FILIP1L: variants seen among roughly 807,000 people sequenced by gnomAD.
FILIP1L encodes the protein filamin A-interacting protein 1-like.
A neutral mutation model predicts 96.6 loss-of-function variants in FILIP1L; 55 were observed. The ratio of observed to expected loss-of-function variants is 0.57; its 90% CI spans 0.46 to 0.71. The LOEUF (loss-of-function observed/expected upper bound fraction) is 0.71. Among genes scored for constraint, FILIP1L ranks in the 30% least tolerant of loss-of-function variants. The pLI is 0.00. For missense variants in FILIP1L, 1,304 were observed against 1,321.2 expected (o/e 0.99, Z 0.20); for synonymous variants, 467 against 473.9 (o/e 0.99, Z 0.19).
At chr3:99,892,212 A>G (rs1447982576) in intron 4 of FILIP1L, among the ~76,000 whole-genome samples, 2 of 152,194 alleles carry the variant, frequency 1.3e-5, no homozygotes, top group African/African-American at 4.8e-5. Flanking sequence ...GAAGTTTTTC[A>G]TAGTGCACTA....
chr3:99,847,277 T>C (rs1943407004), intron 5 of FILIP1L, among the ~76,000 whole-genome samples: 1 of 150,318 alleles, frequency 6.7e-6, no homozygotes, highest in Admixed American at 6.6e-5. Flanking sequence ...ACAGGGTAGG[T>C]AGCACCTACA....
intron 1 of FILIP1L, among the ~76,000 whole-genome samples, chr3:99,990,254 C>G (rs943564351): frequency 1.3e-5 from 2 of 152,136 alleles, no homozygotes; most frequent in South Asian, 4.1e-4. Context: ...CAAAGATAGA[C>G]AGAAAGAGAT....
intron 1 of FILIP1L, among the ~76,000 whole-genome samples, chr3:99,956,966 C>T (rs1186733553): frequency 1.3e-5 from 2 of 152,174 alleles, no homozygotes; most frequent in Non-Finnish European, 2.9e-5. Flanking sequence ...AAGAGGTCTT[C>T]CTACCTATTT....
chr3:99,857,438 C>A (rs972280927), intron 4 of FILIP1L, among the ~76,000 whole-genome samples: 6 of 152,212 alleles, frequency 3.9e-5, no homozygotes, highest in African/African-American at 1.4e-4. Context: ...GCCCATCAGT[C>A]TCCTTTGGCT....
At chr3:100,076,403 C>T (rs948270194) in intron 1 of FILIP1L, among the ~76,000 whole-genome samples, 3 of 152,368 alleles carry the variant, frequency 2.0e-5, no homozygotes, top group African/African-American at 7.2e-5. Flanking sequence ...ACCCGCCCAA[C>T]ACCCTTCTTT....
rs528050389 is a variant in FILIP1L at position 99,925,022 on chromosome 3, A to G, written c.427-614T>C. 6.6e-4 allele frequency among the ~76,000 whole-genome samples: 100 copies of G among 152,282 alleles called. 1 individual carries two copies. Among genetic ancestry groups the G allele is most frequent in the Admixed American group, 2.6e-3 (40 of 15,292 alleles). On this transcript the variant is annotated intron_variant, in intron 3 of 5. Coordinates refer to ENST00000477258, the MANE Select transcript of FILIP1L (RefSeq NM_001387850.1). ...GTCTCTCTCCTGAGAAGCTACATTAAAGAAATGACAGGAAGTAAGAGAATC... is the reference window on the plus strand; with the variant it reads ...GTCTCTCTCCTGAGAAGCTACATTAGAGAAATGACAGGAAGTAAGAGAATC...
intron 4 of FILIP1L, among the ~76,000 whole-genome samples, chr3:99,860,414 G>A (rs1422802578): frequency 1.3e-5 from 2 of 152,140 alleles, no homozygotes; most frequent in African/African-American, 4.8e-5. Flanking sequence ...CTAAAAAGCG[G>A]TACTGAAATC....
chr3:99,905,331 A>AATC (rs1210933101), intron 4 of FILIP1L, among the ~76,000 whole-genome samples: 1 of 152,120 alleles, frequency 6.6e-6, no homozygotes, highest in Non-Finnish European at 1.5e-5. Context: ...ACTCCTAGAT[A>AATC]TCTCACCAGT....
intron 1 of FILIP1L, among the ~76,000 whole-genome samples, chr3:99,965,868 C>T (rs779371676): frequency 5.3e-5 from 8 of 152,138 alleles, no homozygotes; most frequent in Non-Finnish European, 1.0e-4. Context: ...ACTGGCCATG[C>T]AGTCATGTTG....
chr3:100,041,905 G>A (rs2065211338), intron 1 of FILIP1L, among the ~76,000 whole-genome samples: 1 of 152,098 alleles, frequency 6.6e-6, no homozygotes, highest in African/African-American at 2.4e-5. Flanking sequence ...AATAATGACA[G>A]CTGAAAACTA....
chr3:100,099,893 G>A (rs1049432730), intron 1 of FILIP1L, among the ~76,000 whole-genome samples: 5 of 152,230 alleles, frequency 3.3e-5, no homozygotes, highest in African/African-American at 1.2e-4. Context: ...GCTGAGAGTG[G>A]GCAGAGGGTT....
chr3:99,998,003 A>T (rs751742067), intron 1 of FILIP1L, among the ~76,000 whole-genome samples: 4 of 152,252 alleles, frequency 2.6e-5, no homozygotes, highest in Admixed American at 1.3e-4. Context: ...CTGCTAGAGC[A>T]TAGAGCTAAA....
In FILIP1L at chr3:99,849,991, T is replaced by A; in HGVS notation, c.1685A>T (p.Lys562Met). The stretch of plus-strand genomic sequence containing the variant: ...TTTGTTTTTTAAATCATCTCTCTCC[T>A]TGGTTACGCTGTACATCTTTTCTTC... Reference protein sequence around the residue: ...DVEEKMYSVTKERDDLKNKLK... With the variant: ...DVEEKMYSVTMERDDLKNKLK... Residue 562 changes from lysine (K) to methionine (M), a missense_variant, in exon 5 of 6, where the codon AAG becomes ATG. Lys to Met is a moderately conservative substitution (Grantham distance 95, BLOSUM62 -1). Transcript: ENST00000477258. 1 of 1,610,740 alleles carries A rather than the reference T, an allele frequency of 6.2e-7. No homozygotes were observed. The highest frequency in any genetic ancestry group is 8.5e-7 in the Non-Finnish European group (1 of 1,179,264).
chr3:100,014,891 C>CTTTTTTTTTTTTTTTTTTTTTTTTTTTT (rs1710284139), intron 1 of FILIP1L, among the ~76,000 whole-genome samples: 10 of 27,220 alleles, frequency 3.7e-4, no homozygotes, highest in Admixed American at 4.7e-4. Flanking sequence ...TTTTTTCTTT[C>CTTTTTTTTTTTTTTTTTTTTTTTTTTTT]TTTCTTTTTT....
At chr3:100,069,333 A>G (rs1416179037) in intron 1 of FILIP1L, among the ~76,000 whole-genome samples, 1 of 151,874 alleles carries the variant, frequency 6.6e-6, no homozygotes, top group Admixed American at 6.6e-5. Flanking sequence ...AAGATCTATT[A>G]ATTTCTTGAA....
chr3:99,907,270 C>T (rs1175134546), intron 4 of FILIP1L, among the ~76,000 whole-genome samples: 1 of 151,866 alleles, frequency 6.6e-6, no homozygotes, highest in African/African-American at 2.4e-5. Flanking sequence ...TTTTTTGAGA[C>T]AGAGTCTCAC....
intron 1 of FILIP1L, among the ~76,000 whole-genome samples, chr3:100,047,865 T>C (rs940494560): frequency 1.3e-5 from 2 of 151,938 alleles, no homozygotes; most frequent in Non-Finnish European, 2.9e-5. Flanking sequence ...GTTGTCAAAA[T>C]GACAGGGTGG....
At chr3:100,097,704 A>G (rs1205008608) in intron 1 of FILIP1L, among the ~76,000 whole-genome samples, 1 of 152,204 alleles carries the variant, frequency 6.6e-6, no homozygotes, top group Non-Finnish European at 1.5e-5. Flanking sequence ...AGCACCATTA[A>G]TAGACTCTAA....
chr3:100,088,500 C>G (rs552053045), intron 1 of FILIP1L, among the ~76,000 whole-genome samples: 2 of 152,114 alleles, frequency 1.3e-5, no homozygotes, highest in African/African-American at 2.4e-5. Context: ...ATTTCAAAAT[C>G]TTTATATTTG....
Sources: allele counts gnomAD v4.1 joint callset (sites outside exome capture counted in the v4.1 genomes callset), GRCh38; gene constraint gnomAD v4.1.1; transcripts MANE v1.5; gene names NCBI Gene and HGNC (gene_info 2026-07-23, HGNC 2026-07-21).